Variants in MAGI3 observed in about 807,000 individuals in gnomAD.
MAGI3 encodes membrane-associated guanylate kinase, WW and PDZ domain-containing protein 3.
MAGI3 carries 43 observed loss-of-function variants against 121.8 expected under a neutral mutation model. The ratio of observed to expected loss-of-function variants is 0.35; its 90% CI spans 0.28 to 0.46. MAGI3 has a LOEUF of 0.46. MAGI3 is among the 20% of genes least tolerant of loss of function. MAGI3 has a pLI of 1.00. For synonymous variants in MAGI3, 553 were observed against 639.3 expected (o/e 0.86, Z 2.04); for missense variants, 1,547 against 1,797.3 (o/e 0.86, Z 2.52).
intron 1 of MAGI3, among the ~76,000 whole-genome samples, chr1:113,424,123 C>T (rs377659987): frequency 5.3e-5 from 8 of 152,190 alleles, no homozygotes; most frequent in East Asian, 1.9e-4. Context: ...CTCAGTAGGG[C>T]GCAGGACTCC....
intron 1 of MAGI3, among the ~76,000 whole-genome samples, chr1:113,427,058 G>A (rs910658703): frequency 2.0e-5 from 3 of 151,918 alleles, no homozygotes; most frequent in Non-Finnish European, 4.4e-5. Flanking sequence ...CCCTGTTTAG[G>A]TTTAGCATGA....
rs1652594257 is a variant in MAGI3, at chr1:113,642,361, T to A, written c.1811T>A (p.Ile604Lys). The A allele has an allele frequency of 6.2e-7, 1 of 1,614,194 alleles. No homozygotes were observed. The highest frequency in any genetic ancestry group is 8.5e-7 in the Non-Finnish European group (1 of 1,180,030). The change falls in exon 10 of 21, where the codon ATA becomes AAA. Residue 604 changes from isoleucine (I) to lysine (K), a missense_variant. Coordinates refer to ENST00000307546, the MANE Select transcript of MAGI3 (RefSeq NM_001142782.2). ...DSPTGQKVKM[I>K]LDSQWCQGLQ... ...CCTACTGGACAGAAGGTGAAAATGATACTGGATAGTCAGTGGTGTCAAGGC... is the reference window on the plus strand; with the variant it reads ...CCTACTGGACAGAAGGTGAAAATGAAACTGGATAGTCAGTGGTGTCAAGGC...
In MAGI3 at chr1:113,545,327, A is replaced by ATTT. The variant is rs137969782; in HGVS notation, c.317-4180_317-4178dup. ...GAATAAGACATGCCAAAATGACCTC[A>ATTT]TTTTTTTTTTGCTTTATTTTTAGTT... On this transcript the variant is annotated intron_variant, in intron 1 of 20. Coordinates refer to ENST00000307546, the MANE Select transcript of MAGI3 (RefSeq NM_001142782.2). Among the ~76,000 whole-genome samples, 756 of 149,584 alleles carry ATTT rather than the reference A, an allele frequency of 5.1e-3. 1 individual carries two copies. The highest frequency in any genetic ancestry group is 8.5e-3 in the Non-Finnish European group (571 of 67,220).
At chr1:113,414,678 T>A (rs1652205951) in intron 1 of MAGI3, among the ~76,000 whole-genome samples, 1 of 152,134 alleles carries the variant, frequency 6.6e-6, no homozygotes, top group South Asian at 2.1e-4. Context: ...TTCATAGTAT[T>A]CTCTGATGGT....
At chr1:113,406,615 ATATTAAAG>A (rs1651697456) in intron 1 of MAGI3, among the ~76,000 whole-genome samples, 1 of 152,140 alleles carries the variant, frequency 6.6e-6, no homozygotes, top group African/African-American at 2.4e-5. Flanking sequence ...TGTTAATCCA[ATATTAAAG>A]TATTAAAGGC....
At chr1:113,655,670 T>C (rs1195494316) in intron 15 of MAGI3, among the ~76,000 whole-genome samples, 1 of 152,196 alleles carries the variant, frequency 6.6e-6, no homozygotes, top group Non-Finnish European at 1.5e-5. Context: ...TGTTGTGTTT[T>C]GTAATCCAAC....
chr1:113,605,976 C>T lies in MAGI3; in HGVS notation c.1019-8625C>T, dbSNP rs1034101704. ...TGTAAATTATACCTCAATTATTATT[C>T]TTTTTTTGAGACAGAGTCTCTCTCT... is the stretch of plus-strand genomic sequence containing the variant. On this transcript the variant is annotated intron_variant, in intron 6 of 20. Transcript: ENST00000307546. Among the ~76,000 whole-genome samples, 237 of 150,976 alleles carry T rather than the reference C, an allele frequency of 1.6e-3. 1 individual carries two copies. Among genetic ancestry groups the T allele is most frequent in the Non-Finnish European group, 2.8e-3 (189 of 67,714 alleles).
intron 1 of MAGI3, among the ~76,000 whole-genome samples, chr1:113,408,882 T>C (rs1158756336): frequency 8.5e-5 from 13 of 152,148 alleles, no homozygotes; most frequent in Non-Finnish European, 1.9e-4. Context: ...CTATTACTTT[T>C]TATTTCTGTA....
rs528310577 is a variant in MAGI3, at chr1:113,592,750, C to T, written c.939-1731C>T. ...TGTTTTGGCCAGGCACGGTGGCTCA[C>T]GCCTGTAATCCCAGCACTTTGGGAG... On this transcript the variant is annotated intron_variant, in intron 5 of 20. Transcript: ENST00000307546. Among the ~76,000 whole-genome samples the T allele has an allele frequency of 2.6e-5, 4 of 152,240 alleles. No homozygotes were observed. The East Asian group carries it at 5.8e-4, about 22-fold the overall frequency.
At chr1:113,579,829 A>T (rs1647898200) in intron 2 of MAGI3, among the ~76,000 whole-genome samples, 1 of 152,088 alleles carries the variant, frequency 6.6e-6, no homozygotes, top group South Asian at 2.1e-4. Flanking sequence ...ATAGGGGCCT[A>T]AGTGGAGGAA....
At chr1:113,598,921 G>C (rs556054828) in intron 6 of MAGI3, among the ~76,000 whole-genome samples, 38 of 152,206 alleles carry the variant, frequency 2.5e-4, no homozygotes, top group African/African-American at 8.7e-4. Context: ...CATATGATAG[G>C]CCACAAAACA....
intron 1 of MAGI3, among the ~76,000 whole-genome samples, chr1:113,415,481 C>T (rs1652251997): frequency 6.6e-6 from 1 of 152,118 alleles, no homozygotes; most frequent in African/African-American, 2.4e-5. Flanking sequence ...CACTTTCTGC[C>T]TAGATTGCTT....
chr1:113,645,183 G>A (rs926897086), intron 11 of MAGI3, among the ~76,000 whole-genome samples: 6 of 151,732 alleles, frequency 4.0e-5, no homozygotes, highest in Non-Finnish European at 8.8e-5. Flanking sequence ...GCCACCACAC[G>A]CAGCTAATTT....
chr1:113,540,676 A>T (rs1205925291), intron 1 of MAGI3, among the ~76,000 whole-genome samples: 1 of 152,180 alleles, frequency 6.6e-6, no homozygotes, highest in African/African-American at 2.4e-5. Context: ...ATAGATATAG[A>T]TGCAATAGCA....
chr1:113,679,933 G>A (rs1003560299), intron 19 of MAGI3, among the ~76,000 whole-genome samples: 3 of 152,036 alleles, frequency 2.0e-5, no homozygotes, highest in African/African-American at 7.2e-5. Context: ...TCGAACTCCC[G>A]ACCTCAGGTG....
chr1:113,666,063 T>A (rs1654029113), intron 16 of MAGI3, among the ~76,000 whole-genome samples: 1 of 152,188 alleles, frequency 6.6e-6, no homozygotes, highest in Non-Finnish European at 1.5e-5. Context: ...ACTTTATTGC[T>A]AAGAAATGCT....
At chr1:113,674,669 G>A (rs973823632) in intron 19 of MAGI3, among the ~76,000 whole-genome samples, 1 of 152,082 alleles carries the variant, frequency 6.6e-6, no homozygotes, top group African/African-American at 2.4e-5. Context: ...TAGAAAAGGT[G>A]CTTCTGGGTG....
chr1:113,416,019 G>T (rs200153650), intron 1 of MAGI3, among the ~76,000 whole-genome samples: 1 of 132,620 alleles, frequency 7.5e-6, no homozygotes, highest in Non-Finnish European at 1.6e-5. Context: ...TATTAATTAT[G>T]TAATTAATGA....
At chr1:113,416,253 T>G (rs62645189) in intron 1 of MAGI3, among the ~76,000 whole-genome samples, 48,644 of 69,062 alleles carry the variant, frequency 0.7, 19,211 homozygotes, top group African/African-American at 0.85. Context: ...TGTAATTAAT[T>G]ACACATATTA....
Sources: gnomAD v4.1 joint callset for allele counts (sites outside exome capture counted in the v4.1 genomes callset) on GRCh38, gnomAD v4.1.1 for gene constraint, MANE v1.5 for transcripts, NCBI Gene and HGNC (gene_info 2026-07-23, HGNC 2026-07-21) for gene names.